Variants in GMDS observed in about 807,000 individuals in gnomAD.
GMDS encodes the protein GDP-mannose 4,6-dehydratase.
Under a neutral mutation model 49.9 loss-of-function variants are expected in GMDS, and 20 were observed. The ratio of observed to expected loss-of-function variants is 0.40; its 90% CI spans 0.28 to 0.58. The LOEUF is 0.58. Ranked by LOEUF, GMDS falls within the 20% of genes least tolerant of loss-of-function variation. GMDS has a pLI of 0.42. For missense variants in GMDS, 362 were observed against 481.4 expected (o/e 0.75, Z 2.32); for synonymous variants, 177 against 178.6 (o/e 0.99, Z 0.07).
In GMDS at chr6:2,149,639, C is replaced by A. The variant is rs114518315; in HGVS notation, c.103-24908G>T. Among the ~76,000 whole-genome samples, 864 of 152,298 alleles carry A rather than the reference C, an allele frequency of 5.7e-3. 2 individuals are homozygous for A. Among genetic ancestry groups the A allele is most frequent in the Middle Eastern group, 0.017 (5 of 294 alleles). On this transcript the variant is annotated intron_variant, in intron 1 of 10. Coordinates refer to ENST00000380815, the MANE Select transcript of GMDS (RefSeq NM_001500.4). ...TCTATTTTATGCTCTTGCGTGGATT[C>A]AAGGAAACAGAACTACTATTTAAAA...
At chr6:1,855,422 G>C (rs1303418248) in intron 7 of GMDS, among the ~76,000 whole-genome samples, 2 of 152,204 alleles carry the variant, frequency 1.3e-5, no homozygotes, top group East Asian at 3.8e-4. Context: ...GCAAGAAGCT[G>C]GAGTCTGGCC....
chr6:1,951,077 C>G (rs1763316874), intron 6 of GMDS, among the ~76,000 whole-genome samples: 1 of 152,060 alleles, frequency 6.6e-6, no homozygotes, highest in African/African-American at 2.4e-5. Flanking sequence ...CCATTCCCCA[C>G]CCCTAGTTGA....
At chr6:1,677,997 C>A (rs1489065353) in intron 9 of GMDS, among the ~76,000 whole-genome samples, 1 of 152,116 alleles carries the variant, frequency 6.6e-6, no homozygotes, top group South Asian at 2.1e-4. Context: ...TTAGCCTTCT[C>A]ATATCGATGG....
chr6:1,748,068 G>T (rs1358465872), intron 7 of GMDS, among the ~76,000 whole-genome samples: 1 of 152,186 alleles, frequency 6.6e-6, no homozygotes, highest in Non-Finnish European at 1.5e-5. Context: ...TGTACTGAAA[G>T]AAAGAGGCAA....
chr6:2,089,384 CA>C (rs1418797332), intron 4 of GMDS, among the ~76,000 whole-genome samples: 1 of 151,782 alleles, frequency 6.6e-6, no homozygotes, highest in Non-Finnish European at 1.5e-5. Flanking sequence ...AGGACTTAAC[CA>C]GAGCAACAGA....
At chr6:2,102,962 T>C (rs1774011090) in intron 4 of GMDS, among the ~76,000 whole-genome samples, 1 of 152,238 alleles carries the variant, frequency 6.6e-6, no homozygotes, top group Admixed American at 6.5e-5. Flanking sequence ...ATAATATCTG[T>C]GCATACAAAC....
At chr6:1,937,276 C>T (rs750633709) in intron 6 of GMDS, among the ~76,000 whole-genome samples, 2 of 152,242 alleles carry the variant, frequency 1.3e-5, no homozygotes, top group Admixed American at 6.5e-5. Flanking sequence ...TAGGTAGATG[C>T]CATCCTGAAC....
At chr6:2,149,284 AT>A (rs1257426096) in intron 1 of GMDS, among the ~76,000 whole-genome samples, 2 of 152,184 alleles carry the variant, frequency 1.3e-5, no homozygotes, top group Non-Finnish European at 2.9e-5. Flanking sequence ...AGTTTTGTTG[AT>A]TTCATTAAAA....
chr6:2,232,668 G>A (rs894488421), intron 1 of GMDS, among the ~76,000 whole-genome samples: 4 of 152,162 alleles, frequency 2.6e-5, no homozygotes, highest in Non-Finnish European at 4.4e-5. Context: ...ATGACTGAGA[G>A]GCTTCATAAT....
At chr6:1,749,325 C>T (rs761658972) in intron 7 of GMDS, among the ~76,000 whole-genome samples, 7 of 152,158 alleles carry the variant, frequency 4.6e-5, no homozygotes, top group African/African-American at 7.2e-5. Context: ...TAGTGGCTCA[C>T]ACCTGCAATC....
At chr6:2,137,562 G>A (rs368011809) in intron 1 of GMDS, among the ~76,000 whole-genome samples, 3 of 152,120 alleles carry the variant, frequency 2.0e-5, no homozygotes, top group Non-Finnish European at 2.9e-5. Context: ...TCAAACTCCC[G>A]ACCTCAGGTG....
chr6:1,636,029 G>A (rs1243545022), intron 9 of GMDS, among the ~76,000 whole-genome samples: 1 of 152,216 alleles, frequency 6.6e-6, no homozygotes, highest in African/African-American at 2.4e-5. Flanking sequence ...AGGACTAGGA[G>A]ACGACAGAAA....
chr6:1,730,755 C>G (rs1037818949), intron 8 of GMDS, among the ~76,000 whole-genome samples: 2 of 152,104 alleles, frequency 1.3e-5, no homozygotes, highest in Non-Finnish European at 2.9e-5. Context: ...CCCGTCAAGT[C>G]CTCTTATAAT....
At chr6:2,044,932 C>T (rs890726280) in intron 4 of GMDS, among the ~76,000 whole-genome samples, 2 of 151,266 alleles carry the variant, frequency 1.3e-5, no homozygotes, top group African/African-American at 2.4e-5. Context: ...CTTTACAATT[C>T]GATTAGGAAC....
At chr6:1,752,240 C>T (rs1278835986) in intron 7 of GMDS, among the ~76,000 whole-genome samples, 3 of 151,998 alleles carry the variant, frequency 2.0e-5, no homozygotes, top group Non-Finnish European at 4.4e-5. Context: ...GTGAAGCATA[C>T]ACAAGTATCA....
At chr6:1,691,492 A>G (rs1053853853) in intron 9 of GMDS, among the ~76,000 whole-genome samples, 20 of 152,308 alleles carry the variant, frequency 1.3e-4, no homozygotes, top group Admixed American at 4.6e-4. Context: ...CACATCCTGC[A>G]CATGGTCCCC....
intron 4 of GMDS, among the ~76,000 whole-genome samples, chr6:2,028,669 T>A (rs985425840): frequency 3.9e-5 from 6 of 152,200 alleles, no homozygotes; most frequent in African/African-American, 1.4e-4. Flanking sequence ...GATGCACACA[T>A]GCTGCTTTCT....
chr6:1,713,182 C>T lies in GMDS; in HGVS notation c.987+13234G>A, dbSNP rs757533452. 1.4e-4 allele frequency among the ~76,000 whole-genome samples: 21 copies of T among 152,374 alleles called. No homozygotes were observed. In the Middle Eastern group the frequency reaches 0.01, roughly 74 times the overall value. On this transcript the variant is annotated intron_variant, in intron 9 of 10. Transcript: ENST00000380815. ...TTTGCCAAATAAACCCACAGGCCAGCGGGTGGGCGCTAGCCTTTTCATAAG... is the reference window on the plus strand; with the variant it reads ...TTTGCCAAATAAACCCACAGGCCAGTGGGTGGGCGCTAGCCTTTTCATAAG...
chr6:1,989,309 C>T lies in GMDS; in HGVS notation c.346-28343G>A, dbSNP rs1765774416. Among the ~76,000 whole-genome samples the T allele has an allele frequency of 1.3e-5, 2 of 152,036 alleles. 1 individual carries two copies. The highest frequency in any genetic ancestry group is 4.8e-5 in the African/African-American group (2 of 41,370). ...GAGAAGCAGAGAGTTGGTAAAAAGG[C>T]TGTTAATGGAAGAGAAGGTTACATG... On this transcript the variant is annotated intron_variant, in intron 4 of 10. Transcript: ENST00000380815.
Sources: gnomAD v4.1 joint callset for allele counts (sites outside exome capture counted in the v4.1 genomes callset) on GRCh38, gnomAD v4.1.1 for gene constraint, MANE v1.5 for transcripts, NCBI Gene and HGNC (gene_info 2026-07-23, HGNC 2026-07-21) for gene names.